The following TTC3 variants were observed in gnomAD, a reference collection of about 807,000 sequenced individuals.
TTC3 encodes the protein tetratricopeptide repeat domain 3.
Under a neutral mutation model 249.6 loss-of-function variants are expected in TTC3, and 180 were observed. That is an observed-to-expected ratio of 0.72 (90% CI 0.64 to 0.82). TTC3 has a LOEUF of 0.82. Ranked by LOEUF, TTC3 falls within the 40% of genes least tolerant of loss-of-function variation. The pLI is 0.00. For missense variants in TTC3, 2,061 were observed against 2,398.4 expected (o/e 0.86, Z 2.94); for synonymous variants, 717 against 805.0 (o/e 0.89, Z 1.85).
chr21:37,167,614 A>G (rs146906407), exon 34 of TTC3: 21 of 1,609,368 alleles, frequency 1.3e-5, no homozygotes, highest in Non-Finnish European at 3.4e-6. Context: ...CTTTTGAGGA[A>G]CGACAAGTGA....
intron 36 of TTC3, among the ~76,000 whole-genome samples, 187 bp downstream of exon 36, chr21:37,183,100 A>G (rs964375697): frequency 4.6e-5 from 7 of 152,150 alleles, no homozygotes; most frequent in African/African-American, 1.7e-4. Context: ...ATTTTTTTCT[A>G]AACTTAACAT....
intron 11 of TTC3, 108 bp from the exon 12 acceptor site, chr21:37,121,709 A>C (rs899234383): frequency 1.9e-6 from 2 of 1,056,496 alleles, no homozygotes; most frequent in Admixed American, 3.3e-5. Context: ...GACCTAATCT[A>C]ATATTTTAAG....
At chr21:37,152,225 A>C (rs187086575) in intron 26 of TTC3, among the ~76,000 whole-genome samples, 196 bp downstream of exon 26, 4 of 152,140 alleles carry the variant, frequency 2.6e-5, no homozygotes, top group Non-Finnish European at 5.9e-5. Flanking sequence ...AACCTTTCAG[A>C]GATTGTATTC....
chr21:37,123,402 G>A (rs945889163), intron 13 of TTC3, among the ~76,000 whole-genome samples: 6 of 152,138 alleles, frequency 3.9e-5, no homozygotes, highest in African/African-American at 1.4e-4. Flanking sequence ...AGTATCTATG[G>A]CAAAAACCAC....
intron 31 of TTC3, among the ~76,000 whole-genome samples, chr21:37,162,988 T>C (rs2080910347): frequency 6.6e-6 from 1 of 152,166 alleles, no homozygotes; most frequent in African/African-American, 2.4e-5. Flanking sequence ...CCTAATTACC[T>C]CCCAAAGAAT....
At chr21:37,156,806 A>G (rs144613755) in exon 28 of TTC3, 4 of 1,614,030 alleles carry the variant, frequency 2.5e-6, no homozygotes, top group Non-Finnish European at 3.4e-6. Flanking sequence ...CTGAGCCAGC[A>G]TCATTGAAGG....
At chr21:37,155,934 T>C (rs73393149) in intron 27 of TTC3, among the ~76,000 whole-genome samples, 3,158 of 152,296 alleles carry the variant, frequency 0.021, 101 homozygotes, top group African/African-American at 0.072. Context: ...CTGCATATTG[T>C]TGATGTTTTA....
chr21:37,125,318 T>C (rs1388131670), intron 14 of TTC3, among the ~76,000 whole-genome samples: 1 of 152,258 alleles, frequency 6.6e-6, no homozygotes, highest in Non-Finnish European at 1.5e-5. Flanking sequence ...CGTACTTCTT[T>C]CTCAAAACCA....
chr21:37,152,922 T>A (rs533046879), intron 26 of TTC3, 29 bp from the exon 27 acceptor site: 1 of 1,503,188 alleles, frequency 6.7e-7, no homozygotes, highest in South Asian at 1.4e-5. Flanking sequence ...GTCCTATTTA[T>A]CACTTTAACC....
chr21:37,152,876 ATTT>A (rs148230860), intron 26 of TTC3, 72 bp from the exon 27 acceptor site: 1 of 1,178,502 alleles, frequency 8.5e-7, no homozygotes, highest in East Asian at 2.7e-5. Flanking sequence ...ATATTATGTA[ATTT>A]TGTTATTTCT....
At chr21:37,170,445 G>C (rs185383101) in intron 34 of TTC3, among the ~76,000 whole-genome samples, 1 of 152,266 alleles carries the variant, frequency 6.6e-6, no homozygotes, top group East Asian at 1.9e-4. Flanking sequence ...TGAAATTTCT[G>C]GGAAGGCAGT....
At chr21:37,098,878 G>A (rs1393725812) in intron 10 of TTC3, 1 of 152,114 alleles carries the variant, frequency 6.6e-6, no homozygotes, top group African/African-American at 2.4e-5. Context: ...AGATTAAGAT[G>A]TTTTGAAGCT....
At chr21:37,101,974 A>G (rs936507815) in intron 10 of TTC3, among the ~76,000 whole-genome samples, 4 of 149,712 alleles carry the variant, frequency 2.7e-5, no homozygotes, top group Admixed American at 6.7e-5. Context: ...ACAATGTTAA[A>G]TTATAGATAT....
chr21:37,124,816 T>C (rs1385215263), intron 14 of TTC3, 74 bp downstream of exon 14: 5 of 1,534,590 alleles, frequency 3.3e-6, no homozygotes, highest in Middle Eastern at 1.7e-4. Flanking sequence ...ATTTTGGTGG[T>C]AATAGAAACC....
intron 27 of TTC3, among the ~76,000 whole-genome samples, chr21:37,154,583 G>A (rs865918868): frequency 6.6e-6 from 1 of 152,210 alleles, no homozygotes; most frequent in Non-Finnish European, 1.5e-5. Context: ...TATGCTACAC[G>A]GTCAAGACTG....
chr21:37,126,285 G>A (rs12185849), intron 15 of TTC3, 142 bp downstream of exon 15: 3 of 545,480 alleles, frequency 5.5e-6, no homozygotes, highest in Non-Finnish European at 5.9e-6. Context: ...AGAAAATATT[G>A]AATATTTATT....
chr21:37,125,886 C>A (rs201460539), intron 14 of TTC3, among the ~76,000 whole-genome samples, 194 bp from the exon 15 acceptor site: 2 of 10 alleles, frequency 0.2, no homozygotes, highest in Non-Finnish European at 0.33. Flanking sequence ...TTGTTCGTTG[C>A]CATATCATGA....
In TTC3 at chr21:37,162,072, A is replaced by C. The variant is rs1006001559; in HGVS notation, c.3170+9A>C. ...TCAAGTGAAGACCATAGGTAAGTAT[A>C]ATTTTTAAATTTTTGCTTCATTTTA... On this transcript the variant is annotated intron_variant, in intron 31 of 45. Coordinates refer to ENST00000355666, the Ensembl canonical transcript of TTC3. The C allele has an allele frequency of 6.7e-7, 1 of 1,499,666 alleles. No homozygotes were observed. The highest frequency in any genetic ancestry group is 9.0e-7 in the Non-Finnish European group (1 of 1,109,790). The allele number at this position is 1,499,666 out of a possible 1,614,324, so 92.9% of individuals were successfully genotyped here.
chr21:37,091,684 C>A (rs2073293197), intron 7 of TTC3: 1 of 158,270 alleles, frequency 6.3e-6, no homozygotes, highest in Non-Finnish European at 1.4e-5. Flanking sequence ...CGGGTTCACA[C>A]CATTCTCCTG....
Sources: allele counts gnomAD v4.1 joint callset (sites outside exome capture counted in the v4.1 genomes callset), GRCh38; gene constraint gnomAD v4.1.1; transcripts MANE v1.5; gene names NCBI Gene and HGNC (gene_info 2026-07-23, HGNC 2026-07-21).